KIAA1217: variants seen among roughly 807,000 people sequenced by gnomAD.
KIAA1217 encodes sickle tail protein homolog.
A neutral mutation model predicts 163.9 loss-of-function variants in KIAA1217; 88 were observed. The observed-to-expected ratio is 0.54, with a 90% CI of 0.45 to 0.64. The LOEUF is 0.64. KIAA1217 is among the 30% of genes least tolerant of loss of function. KIAA1217 has a pLI of 0.00. For missense variants in KIAA1217, 2,372 were observed against 2,475.0 expected, an observed-to-expected ratio of 0.96 and a Z score of 0.88; for synonymous variants, 903 against 923.1, an observed-to-expected ratio of 0.98 and a Z score of 0.39.
chr10:23,742,331 A>G (rs959672898), intron 1 of KIAA1217, among the ~76,000 whole-genome samples: 4 of 152,166 alleles, frequency 2.6e-5, no homozygotes, highest in Admixed American at 2.6e-4. Context: ...AATCATAGGC[A>G]TGATTGTTTT....
intron 2 of KIAA1217, among the ~76,000 whole-genome samples, chr10:24,130,372 T>A (rs1385764001): frequency 1.3e-5 from 2 of 152,204 alleles, no homozygotes; most frequent in African/African-American, 4.8e-5. Flanking sequence ...GGGCATGCCA[T>A]GTTTTATTAT....
chr10:23,841,829 TTATTTTA>T (rs1838801844), intron 1 of KIAA1217, among the ~76,000 whole-genome samples: 1 of 56,406 alleles, frequency 1.8e-5, no homozygotes, highest in South Asian at 3.7e-4. Flanking sequence ...CATTGGGACT[TTATTTTA>T]TTTTATTTTA....
chr10:24,362,937 T>TAA (rs147721137), intron 2 of KIAA1217, among the ~76,000 whole-genome samples: 72 of 148,254 alleles, frequency 4.9e-4, no homozygotes, highest in African/African-American at 7.7e-4. Flanking sequence ...CAAATTTAAT[T>TAA]AAAAAAAAAG....
chr10:23,926,758 T>TAA (rs1237311243), intron 1 of KIAA1217, among the ~76,000 whole-genome samples: 1 of 151,446 alleles, frequency 6.6e-6, no homozygotes, highest in Non-Finnish European at 1.5e-5. Flanking sequence ...AATAAATAAA[T>TAA]AAAGTGCCTG....
chr10:24,460,552 C>A (rs1257966498), intron 5 of KIAA1217, among the ~76,000 whole-genome samples: 1 of 152,102 alleles, frequency 6.6e-6, no homozygotes, highest in Non-Finnish European at 1.5e-5. Context: ...TGGGACTATT[C>A]CCTCAGACAA....
At chr10:24,190,042 A>T (rs1469876015) in intron 2 of KIAA1217, among the ~76,000 whole-genome samples, 3 of 151,726 alleles carry the variant, frequency 2.0e-5, no homozygotes, top group Non-Finnish European at 4.4e-5. Flanking sequence ...AAAAAAAAAA[A>T]AGTATGATTG....
chr10:24,335,770 C>G (rs1000061577), intron 2 of KIAA1217, among the ~76,000 whole-genome samples: 3 of 151,992 alleles, frequency 2.0e-5, no homozygotes, highest in Non-Finnish European at 4.4e-5. Flanking sequence ...CCACCACACC[C>G]AGCCACTGTA....
At chr10:23,707,972 G>A (rs1412299572) in intron 1 of KIAA1217, among the ~76,000 whole-genome samples, 1 of 152,162 alleles carries the variant, frequency 6.6e-6, no homozygotes, top group Non-Finnish European at 1.5e-5. Flanking sequence ...AAAGCAGGGT[G>A]TATTAGTCCA....
intron 2 of KIAA1217, among the ~76,000 whole-genome samples, chr10:24,306,722 A>G (rs1421875487): frequency 6.6e-6 from 1 of 152,220 alleles, no homozygotes; most frequent in Non-Finnish European, 1.5e-5. Context: ...AGCTTTAGTC[A>G]GTAGCCCAGA....
chr10:23,857,033 G>C (rs537347044), intron 1 of KIAA1217, among the ~76,000 whole-genome samples: 7 of 152,216 alleles, frequency 4.6e-5, no homozygotes, highest in Admixed American at 2.0e-4. Context: ...TGCACCCACT[G>C]TCTGGCACTC....
chr10:23,868,494 T>G (rs1259750094), intron 1 of KIAA1217, among the ~76,000 whole-genome samples: 4 of 152,154 alleles, frequency 2.6e-5, no homozygotes. Context: ...TGTTTTTTTT[T>G]GTCCATCTGT....
chr10:23,918,938 A>G (rs1842739081), intron 1 of KIAA1217, among the ~76,000 whole-genome samples: 1 of 152,114 alleles, frequency 6.6e-6, no homozygotes, highest in African/African-American at 2.4e-5. Flanking sequence ...CAAGGCTTAA[A>G]CAAGCACATG....
intron 1 of KIAA1217, among the ~76,000 whole-genome samples, chr10:23,740,072 G>A (rs971429881): frequency 1.6e-5 from 2 of 127,616 alleles, no homozygotes; most frequent in East Asian, 4.3e-4. Context: ...AGATGCCTAT[G>A]TAAGTGGAGC....
chr10:24,469,683 C>T lies in KIAA1217; in HGVS notation c.847-3545C>T, dbSNP rs140574916. ...CTGGAGTGCAGTGGTATTATCTCGG[C>T]TCACTGCAACCTCCACCTCCCGGGT... On this transcript the variant is annotated intron_variant, in intron 5 of 20. Transcript: ENST00000376454. 4.7e-3 allele frequency among the ~76,000 whole-genome samples: 709 copies of T among 152,234 alleles called. 14 individuals carry two copies. In the South Asian group the frequency reaches 0.051, roughly 11 times the overall value.
intron 1 of KIAA1217, among the ~76,000 whole-genome samples, chr10:23,720,636 C>A (rs1308174194): frequency 6.6e-6 from 1 of 152,142 alleles, no homozygotes; most frequent in African/African-American, 2.4e-5. Context: ...GGGAATCCAA[C>A]AATTGGTTAC....
At chr10:24,388,218 T>G (rs1169610239) in intron 3 of KIAA1217, among the ~76,000 whole-genome samples, 1 of 152,060 alleles carries the variant, frequency 6.6e-6, no homozygotes, top group African/African-American at 2.4e-5. Flanking sequence ...TACAGACCAA[T>G]GGAACAGAAC....
At chr10:24,151,891 G>T (rs2131860336) in intron 2 of KIAA1217, among the ~76,000 whole-genome samples, 1 of 152,250 alleles carries the variant, frequency 6.6e-6, no homozygotes, top group South Asian at 2.1e-4. Context: ...GCAAAGCTAT[G>T]ATATGAATCT....
chr10:24,366,512 G>T (rs2050803329), intron 2 of KIAA1217, among the ~76,000 whole-genome samples: 1 of 152,206 alleles, frequency 6.6e-6, no homozygotes, highest in Non-Finnish European at 1.5e-5. Flanking sequence ...TTAAATGCTT[G>T]CACAGTAAGC....
chr10:24,515,638 G>A (rs1342470676), intron 10 of KIAA1217, among the ~76,000 whole-genome samples: 1 of 152,144 alleles, frequency 6.6e-6, no homozygotes, highest in Non-Finnish European at 1.5e-5. Context: ...GTATAGCCCC[G>A]AACAGGGGAT....
Sources: allele counts gnomAD v4.1 joint callset (sites outside exome capture counted in the v4.1 genomes callset), GRCh38; gene constraint gnomAD v4.1.1; transcripts MANE v1.5; gene names NCBI Gene and HGNC (gene_info 2026-07-23, HGNC 2026-07-21).